Variants in MEI4 observed in about 807,000 individuals in gnomAD.
The protein encoded by MEI4 is meiosis-specific protein MEI4.
A neutral mutation model predicts 31.4 loss-of-function variants in MEI4; 27 were observed. That is an observed-to-expected ratio of 0.86 (90% CI 0.63 to 1.19). The LOEUF is 1.19. Among genes scored for constraint, MEI4 ranks in the 50% most tolerant of loss-of-function variants. The pLI, the probability that MEI4 is intolerant of heterozygous loss-of-function variation, is 0.00. For synonymous variants in MEI4, 122 were observed against 145.4 expected, an observed-to-expected ratio of 0.84 and a Z score of 1.16; for missense variants, 329 against 398.9, an observed-to-expected ratio of 0.82 and a Z score of 1.49.
chr6:77,784,956 G>A (rs2127692717), intron 3 of MEI4, among the ~76,000 whole-genome samples: 1 of 152,200 alleles, frequency 6.6e-6, no homozygotes, highest in Non-Finnish European at 1.5e-5. Context: ...AAGCACAAAG[G>A]ATATTCAAGC....
chr6:77,653,799 G>T (rs531516781), intron 1 of MEI4, among the ~76,000 whole-genome samples: 150 of 152,250 alleles, frequency 9.9e-4, no homozygotes, highest in Middle Eastern at 3.4e-3. Flanking sequence ...AGGAAAGGAA[G>T]TGAAAATAAA....
At chr6:77,874,449 T>G (rs1260439276) in intron 4 of MEI4, among the ~76,000 whole-genome samples, 3 of 152,250 alleles carry the variant, frequency 2.0e-5, no homozygotes, top group Non-Finnish European at 2.9e-5. Flanking sequence ...TTTTGCACAT[T>G]GATTTTATAT....
intron 4 of MEI4, among the ~76,000 whole-genome samples, chr6:77,898,614 G>C (rs1227517964): frequency 6.6e-6 from 1 of 152,030 alleles, no homozygotes; most frequent in Non-Finnish European, 1.5e-5. Flanking sequence ...CCCTTCCAGA[G>C]GAGCTTCTGA....
rs550676681 is a variant in MEI4, at chr6:77,867,523, C to T, written c.900+38461C>T. On this transcript the variant is annotated intron_variant, in intron 4 of 4. Transcript: ENST00000684080. ...AAATCAAAACCACAATGAGATACCA[C>T]CTCACTCCAGTTAGAATGGCAATCA... Among the ~76,000 whole-genome samples the T allele has an allele frequency of 3.9e-5, 6 of 152,246 alleles. No individual in the cohort carries two copies. The South Asian group carries it at 1.0e-3, about 26-fold the overall frequency.
chr6:77,896,540 T>C (rs1447135661), intron 4 of MEI4, among the ~76,000 whole-genome samples: 3 of 152,096 alleles, frequency 2.0e-5, no homozygotes, highest in African/African-American at 4.8e-5. Context: ...TCGTAAATAC[T>C]GTGTTACATT....
chr6:77,855,981 C>A (rs573093529), intron 4 of MEI4, among the ~76,000 whole-genome samples: 1 of 152,236 alleles, frequency 6.6e-6, no homozygotes, highest in South Asian at 2.1e-4. Flanking sequence ...CAAGAGTAAT[C>A]TGTCAATACA....
chr6:77,832,752 G>A (rs1408212409), intron 4 of MEI4, among the ~76,000 whole-genome samples: 1 of 152,050 alleles, frequency 6.6e-6, no homozygotes, highest in Non-Finnish European at 1.5e-5. Flanking sequence ...AGAAGATAAA[G>A]TATGGAATAA....
At chr6:77,856,438 A>G (rs1335112844) in intron 4 of MEI4, among the ~76,000 whole-genome samples, 2 of 152,172 alleles carry the variant, frequency 1.3e-5, no homozygotes, top group Non-Finnish European at 2.9e-5. Context: ...TTGTATACAT[A>G]GAAGGTTGCC....
intron 4 of MEI4, among the ~76,000 whole-genome samples, chr6:77,906,490 A>G (rs1766299594): frequency 6.6e-6 from 1 of 152,174 alleles, no homozygotes; most frequent in East Asian, 1.9e-4. Context: ...AACACTGTGG[A>G]TATCTACAGT....
chr6:77,734,495 T>A (rs1767119759), intron 2 of MEI4, among the ~76,000 whole-genome samples: 1 of 152,066 alleles, frequency 6.6e-6, no homozygotes, highest in Admixed American at 6.5e-5. Context: ...GCTTGGTAGA[T>A]CTTCCTCCAA....
chr6:77,824,858 T>C (rs1769905827), intron 3 of MEI4, among the ~76,000 whole-genome samples: 3 of 152,176 alleles, frequency 2.0e-5, no homozygotes. Flanking sequence ...TGGTTTAAGT[T>C]TATTTCCTTC....
Position 77,699,515 on chromosome 6 carries a change from T to C in MEI4, c.232+8612T>C, listed in dbSNP as rs184631244. 3.3e-5 allele frequency among the ~76,000 whole-genome samples: 5 copies of C among 152,280 alleles called. No homozygotes were observed. In the East Asian group the frequency reaches 9.7e-4, roughly 29 times the overall value. ...CCCAAAGTTTCTATCTTCTTTGCCA[T>C]TGGTTTGAATTTCCTCCTCTAGCTC... is the stretch of plus-strand genomic sequence containing the variant. On this transcript the variant is annotated intron_variant, in intron 2 of 4. Transcript: ENST00000684080.
chr6:77,844,934 T>C (rs1471474925), intron 4 of MEI4, among the ~76,000 whole-genome samples: 1 of 152,158 alleles, frequency 6.6e-6, no homozygotes, highest in African/African-American at 2.4e-5. Flanking sequence ...AACTGCATTC[T>C]CAGCTTGTGT....
chr6:77,677,951 A>G (rs560306986), intron 1 of MEI4, among the ~76,000 whole-genome samples: 34 of 152,338 alleles, frequency 2.2e-4, no homozygotes, highest in African/African-American at 5.8e-4. Context: ...TGAAAGGACA[A>G]TTAGACTCAG....
intron 4 of MEI4, among the ~76,000 whole-genome samples, chr6:77,861,680 T>A (rs1231885835): frequency 6.6e-6 from 1 of 152,212 alleles, no homozygotes; most frequent in Non-Finnish European, 1.5e-5. Flanking sequence ...TAAGCAAATA[T>A]GAGTTCAAAA....
At position 77,799,355 on chromosome 6, in the gene MEI4, C is replaced by G. The variant is rs368202946; in HGVS notation, c.769-29576C>G. ...TGATGGGGTTGTTTGTTTTTTTCTT[C>G]TAAATTTGTTTGAGTTCATTGTAGA... is the stretch of plus-strand genomic sequence containing the variant. On this transcript the variant is annotated intron_variant, in intron 3 of 4. Transcript: ENST00000684080. Among the ~76,000 whole-genome samples the G allele has an allele frequency of 5.4e-3, 810 of 150,822 alleles. 10 individuals carry two copies. The highest frequency in any genetic ancestry group is 0.018 in the African/African-American group (736 of 41,174).
intron 3 of MEI4, among the ~76,000 whole-genome samples, chr6:77,796,392 A>G (rs1186099774): frequency 6.6e-6 from 1 of 152,162 alleles, no homozygotes; most frequent in Non-Finnish European, 1.5e-5. Flanking sequence ...AAAGAAATAA[A>G]AGATTCAAAT....
rs1184160954 is a variant in MEI4 at position 77,924,124 on chromosome 6, A to C, written c.*778A>C. ...GTGAAATTTATAGTTATTTGGTGGA[A>C]TTTTTCAGTTATACAATTTCATTGA... is the stretch of plus-strand genomic sequence containing the variant. On this transcript the variant is annotated 3_prime_UTR_variant, in exon 5 of 5. Coordinates refer to ENST00000684080, the MANE Select transcript of MEI4 (RefSeq NM_001322247.2). 1 of 151,880 alleles carries C rather than the reference A, an allele frequency of 6.6e-6. No individual in the cohort carries two copies. Among genetic ancestry groups the C allele is most frequent in the African/African-American group, 2.4e-5 (1 of 41,518 alleles). The allele number at this position is 151,880 out of a possible 1,614,324, so 9.4% of individuals were successfully genotyped here.
chr6:77,886,433 T>C (rs934910736), intron 4 of MEI4, among the ~76,000 whole-genome samples: 2 of 49,858 alleles, frequency 4.0e-5, no homozygotes, highest in African/African-American at 1.2e-4. Context: ...TTTTCCAGTT[T>C]TGTTTTTTTT....
Sources: allele counts gnomAD v4.1 joint callset (sites outside exome capture counted in the v4.1 genomes callset), GRCh38; gene constraint gnomAD v4.1.1; transcripts MANE v1.5; gene names NCBI Gene and HGNC (gene_info 2026-07-23, HGNC 2026-07-21).